CR1: variants seen among roughly 807,000 people sequenced by gnomAD.
The protein encoded by CR1 is complement receptor type 1.
CR1 carries 116 observed loss-of-function variants against 187.3 expected under a neutral mutation model. The ratio of observed to expected loss-of-function variants is 0.62; its 90% CI spans 0.53 to 0.72. The LOEUF (loss-of-function observed/expected upper bound fraction) is 0.72, where lower values mean the gene tolerates loss of function less well. Among genes scored for constraint, CR1 ranks in the 30% least tolerant of loss-of-function variants. The probability of loss-of-function intolerance (pLI) is 0.00; values close to 1 mark genes in which losing one functional copy is unlikely to be tolerated. For missense variants in CR1, 1,731 were observed against 2,110.7 expected (o/e 0.82, Z 3.52); for synonymous variants, 576 against 747.1 (o/e 0.77, Z 3.73).
intron 46 of CR1, among the ~76,000 whole-genome samples, chr1:207,632,797 CAAAAAAA>C (rs55649027): frequency 3.7e-5 from 4 of 107,638 alleles, no homozygotes; most frequent in East Asian, 3.2e-4. Context: ...GACTCCGTCT[CAAAAAAA>C]AAAAAAAAAA....
At position 207,588,764 on chromosome 1, in the gene CR1, T is replaced by A; in HGVS notation, c.5800T>A (p.Cys1934Ser). Residue 1934 changes from cysteine (C) to serine (S), a missense_variant, in exon 35 of 47, where the codon TGT (cysteine) becomes AGT (serine). By Grantham distance (112) the Cys-to-Ser change is moderately radical. This residue lies in a region of CR1 where 1,312 missense variants were observed against 1,379.6 expected (regional missense o/e 0.95). Transcript: ENST00000367049. The part of the protein sequence containing the change: ...TQFGSTVNYS[C>S]NEGFRLIGSP... The stretch of plus-strand genomic sequence containing the variant: ...GTTTGGATCAACAGTTAATTATTCT[T>A]GTAATGAAGGGTGAGTTGAGAATAC... The A allele has an allele frequency of 6.2e-7, 1 of 1,605,686 alleles. No homozygotes were observed. Among genetic ancestry groups the A allele is most frequent in the Non-Finnish European group, 8.5e-7 (1 of 1,174,262 alleles).
At chr1:207,580,663 T>C (rs753637148) in intron 31 of CR1, 50 bp downstream of exon 31, 20 of 1,512,722 alleles carry the variant, frequency 1.3e-5, no homozygotes, top group Non-Finnish European at 1.5e-5. Context: ...GCAGAGTGAC[T>C]CTTGAGCTTA....
chr1:207,609,756 T>G (rs1661867080), intron 37 of CR1, 68 bp downstream of exon 37: 9 of 1,439,370 alleles, frequency 6.3e-6, no homozygotes, highest in Non-Finnish European at 7.3e-6. Flanking sequence ...TTGTTGAAAT[T>G]AAGGAAGAAG....
chr1:207,584,649 A>T lies in CR1; in HGVS notation c.5303A>T (p.His1768Leu), dbSNP rs758153459. ...TTGAGAGCTCTTGTTTTCTTTCTAG[A>T]TATCTTTTGTCCAAATCCTCCAGCT... ...LWNNSVPVCE[H>L]IFCPNPPAIL... Residue 1768 changes from histidine (H) to leucine (L), a missense_variant and splice_region_variant, in exon 33 of 47, where the codon CAT becomes CTT. Transcript: ENST00000367049. 12 of 1,613,008 alleles carry T rather than the reference A, an allele frequency of 7.4e-6. No homozygotes were observed. In the Middle Eastern group the frequency reaches 1.3e-3, roughly 178 times the overall value.
rs1051210809 is a variant in CR1 at position 207,618,057 on chromosome 1, G to C, written c.6890-14G>C. On this transcript the variant is annotated splice_polypyrimidine_tract_variant and intron_variant, in intron 41 of 46. Coordinates refer to ENST00000367049, the MANE Select transcript of CR1 (RefSeq NM_000651.6). Reference sequence around the variant, plus strand: ...AGTGTCTTTTCTTGTGTTTGTGTGGGAACTTGTTCTTAGCCTGCCCACATC... The same window carrying C: ...AGTGTCTTTTCTTGTGTTTGTGTGGCAACTTGTTCTTAGCCTGCCCACATC... 7 of 1,608,242 alleles carry C rather than the reference G, an allele frequency of 4.4e-6. No individual in the cohort carries two copies. The highest frequency in any genetic ancestry group is 5.9e-6 in the Non-Finnish European group (7 of 1,176,860).
intron 4 of CR1, among the ~76,000 whole-genome samples, chr1:207,520,906 G>A (rs1659955079): frequency 7.8e-6 from 1 of 128,644 alleles, no homozygotes. Context: ...ATATTATTGT[G>A]TTGTGTCTAG....
At chr1:207,523,574 AACTG>A in intron 4 of CR1, 33 bp from the exon 5 acceptor site, 2 of 1,612,552 alleles carry the variant, frequency 1.2e-6, no homozygotes, top group Non-Finnish European at 8.5e-7. Context: ...TCATTATTTA[AACTG>A]ACTGTTATTT....
chr1:207,567,039 G>C lies in CR1; in HGVS notation c.3953-785G>C, dbSNP rs146809178. 4.1e-3 allele frequency among the ~76,000 whole-genome samples: 611 copies of C among 150,204 alleles called. 18 individuals are homozygous for C. Among genetic ancestry groups the C allele is most frequent in the Middle Eastern group, 0.01 (3 of 292 alleles). ...AAAGCTCATTAACTGGACTACTCAA[G>C]CTTTCTCTTATTTTTCATAACTCTT... On this transcript the variant is annotated intron_variant, in intron 24 of 46. Coordinates refer to ENST00000367049, the MANE Select transcript of CR1 (RefSeq NM_000651.6).
intron 35 of CR1, among the ~76,000 whole-genome samples, chr1:207,604,027 G>A (rs1661680101): frequency 6.6e-6 from 1 of 152,154 alleles, no homozygotes; most frequent in Admixed American, 6.5e-5. Context: ...ATGACCTACG[G>A]AGTGAGTCAC....
chr1:207,584,582 T>C, intron 32 of CR1, 67 bp from the exon 33 acceptor site: 1 of 1,551,400 alleles, frequency 6.4e-7, no homozygotes, highest in Non-Finnish European at 8.8e-7. Flanking sequence ...GTATGACAAC[T>C]GTAGAATCAC....
chr1:207,508,962 T>A (rs1198033923), intron 3 of CR1, among the ~76,000 whole-genome samples: 1 of 152,228 alleles, frequency 6.6e-6, no homozygotes, highest in African/African-American at 2.4e-5. Flanking sequence ...CCCCATTCAT[T>A]TGGAGTTGGT....
At chr1:207,617,957 GTTGAGGTCT>G (rs994468498) in intron 41 of CR1, 105 bp from the exon 42 acceptor site, 93 of 1,165,858 alleles carry the variant, frequency 8.0e-5, no homozygotes, top group Non-Finnish European at 1.1e-4. Flanking sequence ...GACCTGGCTG[GTTGAGGTCT>G]TCATGTACCT....
intron 23 of CR1, 54 bp downstream of exon 23, chr1:207,564,288 G>T (rs1391599061): frequency 2.2e-5 from 35 of 1,594,444 alleles, no homozygotes; most frequent in Non-Finnish European, 2.9e-5. Flanking sequence ...TTGGGAATCA[G>T]TCTAAAAAGG....
Position 207,618,139 on chromosome 1 carries a change from G to C in CR1, c.6958G>C (p.Gly2320Arg). 6.2e-7 allele frequency: 1 copy of C among 1,613,904 alleles called. No homozygotes were observed. The change falls in exon 42 of 47, where the codon GGG becomes CGG. Residue 2320 changes from glycine to arginine, a missense_variant. Transcript: ENST00000367049. ...AGGACACGTATCTCTATATCTTCCT[G>C]GGATGACAATCAGCTACATTTGTGA... ...IGGHVSLYLP[G>R]MTISYICDPG...
chr1:207,590,924 C>A (rs1450352178), intron 35 of CR1, among the ~76,000 whole-genome samples: 2 of 152,066 alleles, frequency 1.3e-5, no homozygotes, highest in Non-Finnish European at 2.9e-5. Context: ...ATATATGCAC[C>A]CAATACAGGA....
intron 35 of CR1, among the ~76,000 whole-genome samples, chr1:207,605,557 CT>C (rs1201930696): frequency 6.6e-6 from 1 of 152,096 alleles, no homozygotes; most frequent in Non-Finnish European, 1.5e-5. Context: ...CTGGAACCTT[CT>C]TCACATTTTG....
intron 36 of CR1, 87 bp downstream of exon 36, chr1:207,607,423 C>A: frequency 2.1e-6 from 2 of 951,588 alleles, no homozygotes; most frequent in South Asian, 1.4e-5. Context: ...ATCCTTCTTG[C>A]ACAAAGTAGT....
At position 207,510,538 on chromosome 1, in the gene CR1, A is replaced by T. The variant is rs1659577993; in HGVS notation, c.402-1031A>T. ...TCACTATGACTAGTTTCACCCAACC[A>T]TCTATCACAACAGAGAGTCTAACGT... On this transcript the variant is annotated intron_variant, in intron 3 of 46. Coordinates refer to ENST00000367049, the MANE Select transcript of CR1 (RefSeq NM_000651.6). Among the ~76,000 whole-genome samples, 5 of 152,340 alleles carry T rather than the reference A, an allele frequency of 3.3e-5. No homozygotes were observed. In the South Asian group the frequency reaches 1.0e-3, roughly 32 times the overall value.
In CR1 at chr1:207,577,857, C is replaced by G. The variant is rs769949589; in HGVS notation, c.4590C>G (p.Thr1530=). The change falls in exon 29 of 47, where the codon ACC becomes ACG. Residue 1530 remains threonine (T), a synonymous_variant. Coordinates refer to ENST00000367049, the MANE Select transcript of CR1 (RefSeq NM_000651.6). The part of the protein sequence containing the change: ...PTIANGDFIS[T]NRENFHYGSV... ...TCGCCAATGGAGATTTCATTAGCAC[C>G]AACAGAGAGAATTTTCACTATGGAT... 2 of 1,613,832 alleles carry G rather than the reference C, an allele frequency of 1.2e-6. No individual in the cohort carries two copies. The highest frequency in any genetic ancestry group is 2.2e-5 in the South Asian group (2 of 91,078).
Sources: gnomAD v4.1 joint callset for allele counts (sites outside exome capture counted in the v4.1 genomes callset) on GRCh38, gnomAD v4.1.1 for gene constraint, gnomAD v4.1.1 regional missense constraint, MANE v1.5 for transcripts, NCBI Gene and HGNC (gene_info 2026-07-23, HGNC 2026-07-21) for gene names.